The following CUX2 variants were observed in gnomAD, a reference collection of about 807,000 sequenced individuals.
CUX2 encodes the protein homeobox protein cut-like 2.
Under a neutral mutation model 144.8 loss-of-function variants are expected in CUX2, and 40 were observed. That is an observed-to-expected ratio of 0.28 (90% CI 0.21 to 0.36). The LOEUF (loss-of-function observed/expected upper bound fraction) is 0.36. Ranked by LOEUF, CUX2 falls within the 10% of genes least tolerant of loss-of-function variation. The pLI is 1.00. For missense variants in CUX2, 1,615 were observed against 1,994.0 expected (o/e 0.81, Z 3.62); for synonymous variants, 827 against 875.6 (o/e 0.94, Z 0.98).
At chr12:111,052,872 A>T (rs1295272403) in intron 1 of CUX2, among the ~76,000 whole-genome samples, 2 of 152,162 alleles carry the variant, frequency 1.3e-5, no homozygotes, top group African/African-American at 4.8e-5. Flanking sequence ...GCCACTGCAG[A>T]GTTGATCTCA....
intron 19 of CUX2, among the ~76,000 whole-genome samples, chr12:111,336,767 G>A (rs571546068): frequency 1.3e-5 from 2 of 151,870 alleles, no homozygotes; most frequent in South Asian, 4.2e-4. Flanking sequence ...GTTTTTTAAT[G>A]TCTCTTTGAC....
intron 4 of CUX2, among the ~76,000 whole-genome samples, chr12:111,284,174 A>G (rs1487370350): frequency 6.6e-6 from 1 of 152,180 alleles, no homozygotes; most frequent in African/African-American, 2.4e-5. Flanking sequence ...GGATAGACCC[A>G]GGGCCAAAGC....
chr12:111,238,566 G>A (rs1349585748), intron 3 of CUX2, among the ~76,000 whole-genome samples: 1 of 152,236 alleles, frequency 6.6e-6, no homozygotes, highest in Non-Finnish European at 1.5e-5. Flanking sequence ...GCATGTGGCA[G>A]AGACAAGATT....
At chr12:111,151,853 G>C (rs1244059953) in intron 1 of CUX2, among the ~76,000 whole-genome samples, 1 of 152,172 alleles carries the variant, frequency 6.6e-6, no homozygotes, top group African/African-American at 2.4e-5. Context: ...TGGGATTCCT[G>C]TTGCTGTTTG....
At chr12:111,292,512 C>A (rs970349997) in intron 5 of CUX2, among the ~76,000 whole-genome samples, 4 of 152,172 alleles carry the variant, frequency 2.6e-5, no homozygotes, top group Non-Finnish European at 4.4e-5. Context: ...ATTGCCTGAA[C>A]CTGGGAGGTG....
chr12:111,232,458 A>C (rs1882524495), intron 3 of CUX2, among the ~76,000 whole-genome samples: 1 of 152,178 alleles, frequency 6.6e-6, no homozygotes, highest in South Asian at 2.1e-4. Flanking sequence ...GAGCTGTGAC[A>C]ACCACTGTAC....
chr12:111,182,178 C>T (rs1879225981), intron 1 of CUX2, among the ~76,000 whole-genome samples: 1 of 152,192 alleles, frequency 6.6e-6, no homozygotes, highest in African/African-American at 2.4e-5. Flanking sequence ...TGTTCCGTTC[C>T]CTTCCACATA....
At chr12:111,288,737 T>C (rs1249185306) in intron 4 of CUX2, among the ~76,000 whole-genome samples, 1 of 151,736 alleles carries the variant, frequency 6.6e-6, no homozygotes, top group African/African-American at 2.4e-5. Context: ...CCAAGGTGGG[T>C]GGATCACCTG....
chr12:111,132,665 C>G (rs1875576128), intron 1 of CUX2, among the ~76,000 whole-genome samples: 1 of 139,286 alleles, frequency 7.2e-6, no homozygotes. Flanking sequence ...CTCCCAGATT[C>G]AAGCAATTCT....
At chr12:111,066,623 G>A (rs1410501571) in intron 1 of CUX2, among the ~76,000 whole-genome samples, 1 of 152,186 alleles carries the variant, frequency 6.6e-6, no homozygotes, top group East Asian at 1.9e-4. Context: ...TTATACAAGT[G>A]ACAAGTATCT....
chr12:111,237,016 A>T (rs771707911), intron 3 of CUX2, among the ~76,000 whole-genome samples: 4 of 152,050 alleles, frequency 2.6e-5, no homozygotes, highest in Non-Finnish European at 5.9e-5. Context: ...GGGTGTGGTG[A>T]CATGTGCCTG....
chr12:111,113,075 TC>T (rs1172622918), intron 1 of CUX2, among the ~76,000 whole-genome samples: 1 of 152,132 alleles, frequency 6.6e-6, no homozygotes, highest in Non-Finnish European at 1.5e-5. Flanking sequence ...AGTAAGGGCA[TC>T]CCAGGCAGAG....
At chr12:111,038,704 C>T (rs917213607) in intron 1 of CUX2, among the ~76,000 whole-genome samples, 2 of 152,238 alleles carry the variant, frequency 1.3e-5, no homozygotes, top group African/African-American at 2.4e-5. Flanking sequence ...TTCTCAAAAA[C>T]GGGCTCTCTC....
At chr12:111,259,470 A>C (rs1884001331) in intron 3 of CUX2, among the ~76,000 whole-genome samples, 1 of 152,222 alleles carries the variant, frequency 6.6e-6, no homozygotes. Context: ...CCAAGGACCA[A>C]AGATTGCCAA....
intron 1 of CUX2, among the ~76,000 whole-genome samples, chr12:111,055,043 C>G (rs1271428467): frequency 6.6e-6 from 1 of 152,244 alleles, no homozygotes. Context: ...AGTCCATGTT[C>G]GTACGCTCTC....
At chr12:111,167,090 A>G (rs189060016) in intron 1 of CUX2, among the ~76,000 whole-genome samples, 1 of 152,226 alleles carries the variant, frequency 6.6e-6, no homozygotes, top group Non-Finnish European at 1.5e-5. Context: ...CAAGAAGCTC[A>G]CAGTCTCAGC....
At chr12:111,341,537 G>A (rs1013909548) in intron 20 of CUX2, among the ~76,000 whole-genome samples, 4 of 152,074 alleles carry the variant, frequency 2.6e-5, no homozygotes, top group Non-Finnish European at 5.9e-5. Context: ...CTGAGTCTTC[G>A]CTCATGCCAG....
chr12:111,165,968 A>G (rs958012836), intron 1 of CUX2, among the ~76,000 whole-genome samples: 6 of 152,236 alleles, frequency 3.9e-5, no homozygotes. Flanking sequence ...TATTACTAAT[A>G]TGAAATGGTT....
At chr12:111,267,473 A>T (rs1352872710) in intron 4 of CUX2, among the ~76,000 whole-genome samples, 1 of 152,192 alleles carries the variant, frequency 6.6e-6, no homozygotes, top group Non-Finnish European at 1.5e-5. Context: ...TCTCACAGGC[A>T]GGGAGAGATG....
Sources: gnomAD v4.1 joint callset for allele counts (sites outside exome capture counted in the v4.1 genomes callset) on GRCh38, gnomAD v4.1.1 for gene constraint, MANE v1.5 for transcripts, NCBI Gene and HGNC (gene_info 2026-07-23, HGNC 2026-07-21) for gene names.